The following NUAK1 variants were observed in gnomAD, a reference collection of about 807,000 sequenced individuals.
NUAK1 encodes the protein NUAK family kinase 1, also known as NUAK family SNF1-like kinase 1.
A neutral mutation model predicts 56.9 loss-of-function variants in NUAK1; 26 were observed. The observed-to-expected ratio is 0.46, with a 90% CI of 0.33 to 0.63. The LOEUF is 0.63. Ranked by LOEUF, NUAK1 falls within the 30% of genes least tolerant of loss-of-function variation. The probability of loss-of-function intolerance (pLI) is 0.02; values close to 1 mark genes in which losing one functional copy is unlikely to be tolerated. For synonymous variants in NUAK1, 337 were observed against 336.0 expected, an observed-to-expected ratio of 1.00 and a Z score of -0.03; for missense variants, 727 against 876.1, an observed-to-expected ratio of 0.83 and a Z score of 2.15.
intron 4 of NUAK1, among the ~76,000 whole-genome samples, chr12:106,079,463 A>T (rs753699661): frequency 1.3e-5 from 2 of 152,128 alleles, no homozygotes; most frequent in Non-Finnish European, 2.9e-5. Context: ...TGGCCCTGCC[A>T]AGGGAGAAGG....
chr12:106,095,482 T>C (rs1480722065), intron 2 of NUAK1, among the ~76,000 whole-genome samples: 2 of 152,312 alleles, frequency 1.3e-5, no homozygotes, highest in Admixed American at 6.5e-5. Flanking sequence ...CACTTCCCAG[T>C]TGGGTGACCT....
At chr12:106,125,795 A>G (rs1010190518) in intron 1 of NUAK1, among the ~76,000 whole-genome samples, 5 of 152,180 alleles carry the variant, frequency 3.3e-5, no homozygotes, top group Admixed American at 6.5e-5. Context: ...ACTAACCATG[A>G]GGATGATGAA....
At chr12:106,114,184 T>C (rs1265806829) in intron 1 of NUAK1, among the ~76,000 whole-genome samples, 2 of 152,240 alleles carry the variant, frequency 1.3e-5, no homozygotes, top group Non-Finnish European at 2.9e-5. Flanking sequence ...TGGTAGCATC[T>C]GATCACTCTG....
At chr12:106,071,268 C>A (rs2032404416) in intron 5 of NUAK1, among the ~76,000 whole-genome samples, 1 of 152,234 alleles carries the variant, frequency 6.6e-6, no homozygotes. Context: ...TAAATGGTTT[C>A]TCCAGAGGCC....
At chr12:106,079,492 G>A (rs1034970116) in intron 4 of NUAK1, among the ~76,000 whole-genome samples, 3 of 152,140 alleles carry the variant, frequency 2.0e-5, no homozygotes, top group African/African-American at 7.2e-5. Flanking sequence ...AGGCTTCCTG[G>A]AAGAAGAGGC....
At chr12:106,087,383 C>T (rs566674159) in intron 2 of NUAK1, among the ~76,000 whole-genome samples, 126 of 152,308 alleles carry the variant, frequency 8.3e-4, no homozygotes, top group Middle Eastern at 6.8e-3. Context: ...CCCACCAAGT[C>T]GTGCACGATC....
In NUAK1 at chr12:106,067,688, G is replaced by C; in HGVS notation, c.1100C>G (p.Ser367Trp). The C allele has an allele frequency of 6.2e-7, 1 of 1,614,186 alleles. No individual in the cohort carries two copies. Among genetic ancestry groups the C allele is most frequent in the Non-Finnish European group, 8.5e-7 (1 of 1,180,046 alleles). ...ATTCTCTTTCTTGGATTTCTTCAGCGACCGCTGCCGCTCTAGCATGACCTC... is the reference window on the plus strand; with the variant it reads ...ATTCTCTTTCTTGGATTTCTTCAGCCACCGCTGCCGCTCTAGCATGACCTC... ...TSEVMLERQR[S>W]LKKSKKENDF... The change falls in exon 7 of 7, where the codon TCG (serine) becomes TGG (tryptophan). Residue 367 changes from serine to tryptophan, a missense_variant. Physicochemically the swap from Ser to Trp is radical, Grantham distance 177. Transcript: ENST00000261402. This position sits in a 1 kb window ranked among gnomAD's most constrained non-coding sequence, Gnocchi z 6.0.
At chr12:106,097,846 C>T (rs2032710234) in intron 2 of NUAK1, among the ~76,000 whole-genome samples, 1 of 152,160 alleles carries the variant, frequency 6.6e-6, no homozygotes, top group Non-Finnish European at 1.5e-5. Context: ...TGGGGCTACC[C>T]TTTGAGAACT....
At chr12:106,092,998 C>T (rs1479282223) in intron 2 of NUAK1, among the ~76,000 whole-genome samples, 1 of 152,088 alleles carries the variant, frequency 6.6e-6, no homozygotes, top group African/African-American at 2.4e-5. Context: ...AAAGGGAATA[C>T]AAAAGAGGAG....
chr12:106,085,211 C>A (rs1230792556), intron 3 of NUAK1, among the ~76,000 whole-genome samples: 2 of 152,230 alleles, frequency 1.3e-5, no homozygotes, highest in African/African-American at 2.4e-5. Flanking sequence ...AATAAAGCCT[C>A]ATTCATACAG....
intron 1 of NUAK1, among the ~76,000 whole-genome samples, chr12:106,132,287 T>C (rs748314167): frequency 6.6e-6 from 1 of 152,236 alleles, no homozygotes; most frequent in Non-Finnish European, 1.5e-5. Flanking sequence ...TCAGGAAAGA[T>C]AACGTACAAC....
At chr12:106,097,378 T>C (rs1291898300) in intron 2 of NUAK1, among the ~76,000 whole-genome samples, 1 of 152,244 alleles carries the variant, frequency 6.6e-6, no homozygotes, top group Non-Finnish European at 1.5e-5. Flanking sequence ...AATAGAATAG[T>C]ACCTGGAACA....
chr12:106,082,133 T>G (rs2032524451), intron 4 of NUAK1, among the ~76,000 whole-genome samples: 1 of 152,162 alleles, frequency 6.6e-6, no homozygotes, highest in African/African-American at 2.4e-5. Context: ...TATTATTGAC[T>G]CTCCAGGACT....
intron 1 of NUAK1, among the ~76,000 whole-genome samples, chr12:106,107,300 T>C (rs1242289818): frequency 6.7e-6 from 1 of 149,608 alleles, no homozygotes; most frequent in Non-Finnish European, 1.5e-5. Context: ...AAAAAGGCAA[T>C]GAATGACAAT....
At chr12:106,094,963 C>G (rs2032680388) in intron 2 of NUAK1, among the ~76,000 whole-genome samples, 1 of 152,184 alleles carries the variant, frequency 6.6e-6, no homozygotes, top group African/African-American at 2.4e-5. Context: ...CTGGACTCCA[C>G]CCTCCTTCCA....
intron 1 of NUAK1, among the ~76,000 whole-genome samples, chr12:106,123,701 A>G (rs1170988344): frequency 6.6e-6 from 1 of 152,318 alleles, no homozygotes; most frequent in East Asian, 1.9e-4. Flanking sequence ...TTTATAGCCC[A>G]TGATCAGTTG....
At chr12:106,128,128 CTTTTTCTTTT>C (rs994232645) in intron 1 of NUAK1, among the ~76,000 whole-genome samples, 6 of 136,224 alleles carry the variant, frequency 4.4e-5, no homozygotes, top group Non-Finnish European at 7.9e-5. Flanking sequence ...TCTCTCTTTT[CTTTTTCTTTT>C]TTTTTTTTTT....
chr12:106,109,092 T>C (rs1021703583), intron 1 of NUAK1, among the ~76,000 whole-genome samples: 1 of 152,166 alleles, frequency 6.6e-6, no homozygotes, highest in African/African-American at 2.4e-5. Context: ...TGACAGGAAG[T>C]CAGGAGGAGA....
In NUAK1 at chr12:106,067,651, C is replaced by G. The variant is rs748804361; in HGVS notation, c.1137G>C (p.Gln379His). 1 of 1,614,264 alleles carries G rather than the reference C, an allele frequency of 6.2e-7. No individual in the cohort carries two copies. The highest frequency in any genetic ancestry group is 8.5e-7 in the Non-Finnish European group (1 of 1,180,050). Residue 379 changes from glutamine to histidine, a missense_variant, in exon 7 of 7, where the codon CAG becomes CAC. Coordinates refer to ENST00000261402, the MANE Select transcript of NUAK1 (RefSeq NM_014840.3). This position sits in a 1 kb window ranked among gnomAD's most constrained non-coding sequence, Gnocchi z 6.0. ...KKSKKENDFA[Q>H]SGQDAVPESP... is the part of the protein sequence containing the mutation. ...TTTCAGGCACTGCATCCTGACCAGA[C>G]TGAGCAAAGTCATTCTCTTTCTTGG...
Sources: gnomAD v4.1 joint callset for allele counts (sites outside exome capture counted in the v4.1 genomes callset) on GRCh38, gnomAD v4.1.1 for gene constraint, Gnocchi (gnomAD v3.1) non-coding constraint, MANE v1.5 for transcripts, NCBI Gene and HGNC (gene_info 2026-07-23, HGNC 2026-07-21) for gene names.